MGAT5B: variants seen among roughly 807,000 people sequenced by gnomAD.
MGAT5B encodes the protein N-acetylglucosaminyl-transferase Vb.
MGAT5B carries 54 observed loss-of-function variants against 95.1 expected under a neutral mutation model. The observed-to-expected ratio is 0.57, with a 90% CI of 0.46 to 0.71. The LOEUF (loss-of-function observed/expected upper bound fraction) is 0.71. MGAT5B is among the 30% of genes least tolerant of loss of function. The pLI is 0.00. For synonymous variants in MGAT5B, 464 were observed against 451.0 expected (o/e 1.03, Z -0.36); for missense variants, 935 against 1,088.6 (o/e 0.86, Z 1.99).
At chr17:76,880,383 A>G (rs1967365213) in intron 2 of MGAT5B, among the ~76,000 whole-genome samples, 1 of 152,084 alleles carries the variant, frequency 6.6e-6, no homozygotes, top group Admixed American at 6.5e-5. Context: ...GAGCCCAGCC[A>G]GGGGGTGACT....
rs1042656513 is a variant in MGAT5B, at chr17:76,938,853, A to T, written c.1584+710A>T. On this transcript the variant is annotated intron_variant, in intron 13 of 17. Coordinates refer to ENST00000569840, the MANE Select transcript of MGAT5B (RefSeq NM_001199172.2). This position sits in a 1 kb window ranked among gnomAD's most constrained non-coding sequence, Gnocchi z 4.3. ...ACCACCACACCTGGCTAATTTTTAA[A>T]TTTTTTGTAGAGATGGTGTCTTCCT... is the stretch of plus-strand genomic sequence containing the variant. Among the ~76,000 whole-genome samples the T allele has an allele frequency of 1.3e-5, 2 of 151,646 alleles. No homozygotes were observed. Among genetic ancestry groups the T allele is most frequent in the African/African-American group, 2.4e-5 (1 of 41,264 alleles).
At chr17:76,871,855 A>G (rs1967023826) in intron 1 of MGAT5B, among the ~76,000 whole-genome samples, 1 of 152,220 alleles carries the variant, frequency 6.6e-6, no homozygotes, top group Non-Finnish European at 1.5e-5. Context: ...AAGAGCCCCA[A>G]GGCTGTGCTG....
In MGAT5B at chr17:76,920,155, G is replaced by T. The variant is rs148435227; in HGVS notation, c.1026-4811G>T. Among the ~76,000 whole-genome samples the T allele has an allele frequency of 6.1e-3, 936 of 152,306 alleles. 4 individuals are homozygous for T. Among genetic ancestry groups the T allele is most frequent in the Non-Finnish European group, 9.8e-3 (669 of 68,020 alleles). On this transcript the variant is annotated intron_variant, in intron 8 of 17. Coordinates refer to ENST00000569840, the MANE Select transcript of MGAT5B (RefSeq NM_001199172.2). ...CGTCCTTCCCAAGCACTGGCTGTTG[G>T]CAGTGGGCAGATGGAGGGGTATGCA...
Position 76,926,556 on chromosome 17 carries a change from G to A in MGAT5B, c.1158-41G>A, listed in dbSNP as rs560852395. 2.9e-5 allele frequency: 46 copies of A among 1,579,114 alleles called. No individual in the cohort carries two copies. In the South Asian group the frequency reaches 2.9e-4, roughly 10 times the overall value. On this transcript the variant is annotated intron_variant, in intron 9 of 17. Transcript: ENST00000569840. ...GCAACTTCAGCCCAGGGACACACGG[G>A]GAGGTTGCTGACCCTGGTTCCTGGT... is the stretch of plus-strand genomic sequence containing the variant.
At position 76,904,362 on chromosome 17, in the gene MGAT5B, G is replaced by T; in HGVS notation, c.630G>T (p.Pro210=). 1.3e-6 allele frequency: 2 copies of T among 1,585,340 alleles called. No individual in the cohort carries two copies. The highest frequency in any genetic ancestry group is 1.7e-6 in the Non-Finnish European group (2 of 1,165,928). Reference sequence around the variant, plus strand: ...GTGAGGTCGAGTGGTTCTGCCCCCCGCTGCCCTGGAGGAACCAGACGGCTG... The same window carrying T: ...GTGAGGTCGAGTGGTTCTGCCCCCCTCTGCCCTGGAGGAACCAGACGGCTG... ...YLSEVEWFCP[P]LPWRNQTAAQ... The change falls in exon 6 of 18, where the codon CCG becomes CCT. Residue 210 remains proline, a synonymous_variant. Coordinates refer to ENST00000569840, the MANE Select transcript of MGAT5B (RefSeq NM_001199172.2).
chr17:76,889,188 G>A lies in MGAT5B; in HGVS notation c.329+6890G>A, dbSNP rs1967779562. On this transcript the variant is annotated intron_variant, in intron 3 of 17. Transcript: ENST00000569840. This position sits in a 1 kb window ranked among gnomAD's most constrained non-coding sequence, Gnocchi z 4.4. Reference sequence around the variant, plus strand: ...GAGAAGATGCAGGGCTGGCGCAGGGGCAGTGTCAGCCCTGGGAGCTCGCCG... The same window carrying A: ...GAGAAGATGCAGGGCTGGCGCAGGGACAGTGTCAGCCCTGGGAGCTCGCCG... Among the ~76,000 whole-genome samples, 1 of 152,196 alleles carries A rather than the reference G, an allele frequency of 6.6e-6. No individual in the cohort carries two copies. The highest frequency in any genetic ancestry group is 1.9e-4 in the East Asian group (1 of 5,206).
chr17:76,889,811 C>A lies in MGAT5B; in HGVS notation c.329+7513C>A, dbSNP rs1967802064. ...ACGGTGCCGAGAGCCGGACCAACCA[C>A]ATGACAGCCACGTTTATTGGGGATG... is the stretch of plus-strand genomic sequence containing the variant. On this transcript the variant is annotated intron_variant, in intron 3 of 17. Coordinates refer to ENST00000569840, the MANE Select transcript of MGAT5B (RefSeq NM_001199172.2). This position sits in a 1 kb window ranked among gnomAD's most constrained non-coding sequence, Gnocchi z 4.4. Among the ~76,000 whole-genome samples the A allele has an allele frequency of 6.6e-6, 1 of 152,198 alleles. No individual in the cohort carries two copies. Among genetic ancestry groups the A allele is most frequent in the Non-Finnish European group, 1.5e-5 (1 of 68,048 alleles).
Position 76,882,212 on chromosome 17 carries a change from G to A in MGAT5B, c.243G>A (p.Met81Ile), listed in dbSNP as rs747145783. ...LRKMSDLLELMVKRMDALARL... is the reference protein window; with the variant it reads ...LRKMSDLLELIVKRMDALARL... ...AGATGAGCGACCTGCTGGAGCTGAT[G>A]GTGAAGCGCATGGACGCACTGGCCA... Residue 81 changes from methionine (M) to isoleucine (I), a missense_variant, in exon 3 of 18, where the codon ATG becomes ATA. Met to Ile is a conservative substitution (Grantham distance 10). Coordinates refer to ENST00000569840, the MANE Select transcript of MGAT5B (RefSeq NM_001199172.2). The A allele has an allele frequency of 6.2e-7, 1 of 1,613,584 alleles. No homozygotes were observed. Among genetic ancestry groups the A allele is most frequent in the Non-Finnish European group, 8.5e-7 (1 of 1,179,918 alleles).
Position 76,906,223 on chromosome 17 carries a change from G to T in MGAT5B, c.1025+36G>T, listed in dbSNP as rs575974918. ...GGGAAAGCCACTGGCATTAAGTGGG[G>T]CAGGGAGGGGATGAAGGGGAACCCC... On this transcript the variant is annotated intron_variant, in intron 8 of 17. Coordinates refer to ENST00000569840, the MANE Select transcript of MGAT5B (RefSeq NM_001199172.2). This position sits in a 1 kb window ranked among gnomAD's most constrained non-coding sequence, Gnocchi z 4.6. 7.1e-5 allele frequency: 111 copies of T among 1,565,002 alleles called. 2 individuals are homozygous for T. The South Asian group carries it at 1.2e-3, about 18-fold the overall frequency.
chr17:76,948,033 A>G lies in MGAT5B; in HGVS notation c.2127A>G (p.Leu709=), dbSNP rs1970089500. 3.7e-6 allele frequency: 6 copies of G among 1,613,006 alleles called. No individual in the cohort carries two copies. The highest frequency in any genetic ancestry group is 5.1e-6 in the Non-Finnish European group (6 of 1,179,536). Residue 709 remains leucine (L), a synonymous_variant, in exon 17 of 18, where the codon CTA becomes CTG. Transcript: ENST00000569840. ...CCGACACCTGCCTGGACCACGGGCT[A>G]ATCTGTGAGCCCTCCTTCTTCCCCT... is the stretch of plus-strand genomic sequence containing the variant. The part of the protein sequence containing the change: ...ACTDTCLDHG[L]ICEPSFFPFL...
chr17:76,904,826 T>C (rs1057296659), intron 6 of MGAT5B, among the ~76,000 whole-genome samples: 1 of 152,200 alleles, frequency 6.6e-6, no homozygotes, highest in African/African-American at 2.4e-5. Flanking sequence ...TCGAGGCGCA[T>C]AGTTGCTGTG....
At chr17:76,932,135 TTTC>T (rs774680767) in intron 10 of MGAT5B, among the ~76,000 whole-genome samples, 11 of 137,198 alleles carry the variant, frequency 8.0e-5, no homozygotes, top group African/African-American at 2.7e-4. Flanking sequence ...CTTCTCCTTC[TTTC>T]TTCTTCTTAC....
At chr17:76,877,936 A>G (rs566841433) in intron 2 of MGAT5B, among the ~76,000 whole-genome samples, 1 of 152,088 alleles carries the variant, frequency 6.6e-6, no homozygotes, top group South Asian at 2.1e-4. Context: ...AAATGAGAGG[A>G]TCTATTTGTA....
At chr17:76,883,157 C>T (rs1368718334) in intron 3 of MGAT5B, among the ~76,000 whole-genome samples, 2 of 151,986 alleles carry the variant, frequency 1.3e-5, no homozygotes, top group African/African-American at 4.8e-5. Context: ...ACCACCACGC[C>T]AGTTAATTTT....
rs546835885 is a variant in MGAT5B, at chr17:76,869,173, G to C, written c.68+76G>C. 3 of 1,311,714 alleles carry C rather than the reference G, an allele frequency of 2.3e-6. No individual in the cohort carries two copies. The African/African-American group carries it at 4.4e-5, about 19-fold the overall frequency. The allele number at this position is 1,311,714 out of a possible 1,614,324, so 81.3% of individuals were successfully genotyped here. On this transcript the variant is annotated intron_variant, in intron 1 of 17. Coordinates refer to ENST00000569840, the MANE Select transcript of MGAT5B (RefSeq NM_001199172.2). The surrounding 1 kb of genome is among the most constrained non-coding windows in gnomAD (Gnocchi z 7.0). ...GTGGGCGAGGTCGGTTCCTGCGAAC[G>C]TTCAAGTCCTGGTGGCAGAGGGGGC...
intron 8 of MGAT5B, among the ~76,000 whole-genome samples, chr17:76,922,500 T>G (rs1397197437): frequency 6.6e-6 from 1 of 152,218 alleles, no homozygotes; most frequent in Non-Finnish European, 1.5e-5. Flanking sequence ...AGTCCATGCT[T>G]CACAGGAAAC....
At chr17:76,899,298 C>G (rs1286789404) in intron 3 of MGAT5B, among the ~76,000 whole-genome samples, 1 of 152,176 alleles carries the variant, frequency 6.6e-6, no homozygotes, top group Non-Finnish European at 1.5e-5. Context: ...TCGTCTCCAG[C>G]TCTGAGCCTG....
chr17:76,938,479 A>T lies in MGAT5B; in HGVS notation c.1584+336A>T, dbSNP rs1316425560. Among the ~76,000 whole-genome samples, 1 of 152,122 alleles carries T rather than the reference A, an allele frequency of 6.6e-6. No individual in the cohort carries two copies. Among genetic ancestry groups the T allele is most frequent in the Non-Finnish European group, 1.5e-5 (1 of 68,020 alleles). On this transcript the variant is annotated intron_variant, in intron 13 of 17. Coordinates refer to ENST00000569840, the MANE Select transcript of MGAT5B (RefSeq NM_001199172.2). This position sits in a 1 kb window ranked among gnomAD's most constrained non-coding sequence, Gnocchi z 4.3. ...CCTGGGTCAGGCCTAGCTTTTGGAGACACTGAGCTGGGGGGTGGTTGGGTG... is the reference window on the plus strand; with the variant it reads ...CCTGGGTCAGGCCTAGCTTTTGGAGTCACTGAGCTGGGGGGTGGTTGGGTG...
At position 76,949,189 on chromosome 17, in the gene MGAT5B, G is replaced by C. The variant is rs140615468; in HGVS notation, c.*351G>C. 2 of 277,636 alleles carry C rather than the reference G, an allele frequency of 7.2e-6. No homozygotes were observed. The highest frequency in any genetic ancestry group is 6.9e-6 in the Non-Finnish European group (1 of 145,936). The allele number at this position is 277,636 out of a possible 1,614,324, so 17.2% of individuals were successfully genotyped here. A position where few individuals can be genotyped will look rare whatever the true frequency, so the allele number is the denominator to read the frequency against. ...GGATCTGGGCCAGGTGGCGAAAGGG[G>C]CCCAGTCGTTCTTGGGCCCAGGATG... On this transcript the variant is annotated 3_prime_UTR_variant, in exon 18 of 18. Transcript: ENST00000569840.
Sources: gnomAD v4.1 joint callset for allele counts (sites outside exome capture counted in the v4.1 genomes callset) on GRCh38, gnomAD v4.1.1 for gene constraint, Gnocchi (gnomAD v3.1) non-coding constraint, MANE v1.5 for transcripts, NCBI Gene and HGNC (gene_info 2026-07-23, HGNC 2026-07-21) for gene names.